ZMYND8: variants seen among roughly 807,000 people sequenced by gnomAD.
The protein encoded by ZMYND8 is MYND-type zinc finger-containing chromatin reader ZMYND8.
ZMYND8 carries 37 observed loss-of-function variants against 140.8 expected under a neutral mutation model. The observed-to-expected ratio is 0.26, with a 90% CI of 0.20 to 0.35. The LOEUF (loss-of-function observed/expected upper bound fraction) is 0.35, where lower values mean the gene tolerates loss of function less well. Among genes scored for constraint, ZMYND8 ranks in the 10% least tolerant of loss-of-function variants. ZMYND8 has a pLI of 1.00. For synonymous variants in ZMYND8, 592 were observed against 597.1 expected (o/e 0.99, Z 0.12); for missense variants, 1,068 against 1,570.0 (o/e 0.68, Z 5.40).
At chr20:47,344,224 C>G (rs190373056) in intron 2 of ZMYND8, among the ~76,000 whole-genome samples, 1 of 152,040 alleles carries the variant, frequency 6.6e-6, no homozygotes, top group African/African-American at 2.4e-5. Flanking sequence ...ATGATCCCCC[C>G]ACCTTGGCCT....
At chr20:47,258,975 A>G (rs2074962049) in intron 12 of ZMYND8, among the ~76,000 whole-genome samples, 1 of 152,072 alleles carries the variant, frequency 6.6e-6, no homozygotes. Context: ...GGGAGACACA[A>G]GAGGGCCTCG....
intron 11 of ZMYND8, among the ~76,000 whole-genome samples, chr20:47,266,674 C>G (rs2075551326): frequency 6.6e-6 from 1 of 152,126 alleles, no homozygotes; most frequent in Admixed American, 6.6e-5. Flanking sequence ...TATCCCAAAT[C>G]TCTGCACTCA....
At chr20:47,338,374 G>A (rs2148510725) in intron 2 of ZMYND8, among the ~76,000 whole-genome samples, 1 of 152,060 alleles carries the variant, frequency 6.6e-6, no homozygotes, top group Non-Finnish European at 1.5e-5. Context: ...CCTGACCCGG[G>A]TCATGTCACA....
intron 14 of ZMYND8, among the ~76,000 whole-genome samples, chr20:47,243,127 A>G (rs1431221664): frequency 6.6e-6 from 1 of 152,226 alleles, no homozygotes; most frequent in East Asian, 1.9e-4. Flanking sequence ...ATTAGCTATA[A>G]AAGCTGTTTT....
intron 5 of ZMYND8, among the ~76,000 whole-genome samples, chr20:47,292,641 G>A (rs1185943222): frequency 6.6e-6 from 1 of 151,742 alleles, no homozygotes; most frequent in East Asian, 1.9e-4. Context: ...ACAGTGATTA[G>A]CCCCAAGAAT....
At chr20:47,216,803 G>C (rs1280378881) in intron 21 of ZMYND8, among the ~76,000 whole-genome samples, 1 of 152,072 alleles carries the variant, frequency 6.6e-6, no homozygotes, top group Non-Finnish European at 1.5e-5. Context: ...CAAAGACTCT[G>C]TCTCAAAAAA....
At chr20:47,277,906 C>A (rs1251804770) in intron 10 of ZMYND8, among the ~76,000 whole-genome samples, 1 of 152,032 alleles carries the variant, frequency 6.6e-6, no homozygotes, top group Non-Finnish European at 1.5e-5. Context: ...CTCTTGACCT[C>A]GTGATCCACC....
intron 15 of ZMYND8, among the ~76,000 whole-genome samples, chr20:47,236,875 T>C (rs533846553): frequency 5.3e-5 from 8 of 152,140 alleles, no homozygotes; most frequent in African/African-American, 1.4e-4. Context: ...TATGGGAGAG[T>C]AGGGGCCCAA....
intron 2 of ZMYND8, among the ~76,000 whole-genome samples, chr20:47,345,801 A>G (rs983389532): frequency 8.3e-6 from 1 of 120,350 alleles, no homozygotes; most frequent in African/African-American, 3.3e-5. Flanking sequence ...GAGCCAACGC[A>G]CTCTGTCCAC....
rs551801819 is a variant in ZMYND8, at chr20:47,221,045, C to T, written c.3417+269G>A. Among the ~76,000 whole-genome samples the T allele has an allele frequency of 2.4e-4, 36 of 152,326 alleles. No individual in the cohort carries two copies. In the East Asian group the frequency reaches 6.9e-3, roughly 29 times the overall value. ...CAGCTACCATTCTGGACGGGAAGTA[C>T]AGAACATTTCCATCATCGCAGAAAG... On this transcript the variant is annotated intron_variant, in intron 20 of 22. Transcript: ENST00000471951.
chr20:47,341,347 C>A (rs562900181), intron 2 of ZMYND8, among the ~76,000 whole-genome samples: 2 of 149,508 alleles, frequency 1.3e-5, no homozygotes, highest in South Asian at 4.3e-4. Context: ...GCTAACATGG[C>A]AAAACCCCAT....
intron 2 of ZMYND8, among the ~76,000 whole-genome samples, chr20:47,347,369 A>C (rs2082419654): frequency 1.3e-5 from 2 of 152,340 alleles, no homozygotes; most frequent in South Asian, 4.1e-4. Flanking sequence ...CTAAATTTTG[A>C]ACTAAATGCA....
chr20:47,347,961 G>A (rs2082465025), intron 1 of ZMYND8, 35 bp from the exon 2 acceptor site: 11 of 1,609,346 alleles, frequency 6.8e-6, no homozygotes, highest in Admixed American at 1.7e-5. Context: ...TGTTTAGGAA[G>A]GCTGAGAACT....
intron 12 of ZMYND8, among the ~76,000 whole-genome samples, chr20:47,255,379 A>T (rs2074516105): frequency 6.6e-6 from 1 of 151,770 alleles, no homozygotes; most frequent in Admixed American, 6.6e-5. Flanking sequence ...AAACTCTATA[A>T]AAGAAAAATT....
At chr20:47,338,939 C>T (rs73130982) in intron 2 of ZMYND8, among the ~76,000 whole-genome samples, 2,589 of 151,992 alleles carry the variant, frequency 0.017, 31 homozygotes, top group Non-Finnish European at 0.024. Context: ...TGGTCCCGAG[C>T]CTGCCTGCTG....
At chr20:47,250,195 G>C (rs745422613) in intron 12 of ZMYND8, among the ~76,000 whole-genome samples, 1 of 152,158 alleles carries the variant, frequency 6.6e-6, no homozygotes, top group Non-Finnish European at 1.5e-5. Flanking sequence ...TCACTTCTTC[G>C]AGGGCTCTTT....
At chr20:47,355,571 C>T (rs1170355711) in intron 1 of ZMYND8, 1 of 844,586 alleles carries the variant, frequency 1.2e-6, no homozygotes, top group Non-Finnish European at 1.4e-6. Flanking sequence ...TTATTAAAAA[C>T]ACACACAACA....
In ZMYND8 at chr20:47,262,316, G is replaced by A. The variant is rs909632398; in HGVS notation, c.1593C>T (p.Thr531=). 2.5e-6 allele frequency: 4 copies of A among 1,613,904 alleles called. No homozygotes were observed. In the African/African-American group the frequency reaches 5.3e-5, roughly 22 times the overall value. Reference sequence around the variant, plus strand: ...GGTTAAGATTCAGGATGCTGCCGGTGGTGGAGGTTTTGTCCGTTTTCGTCG... The same window carrying A: ...GGTTAAGATTCAGGATGCTGCCGGTAGTGGAGGTTTTGTCCGTTTTCGTCG... The part of the protein sequence containing the change: ...PITTKTDKTS[T]TGSILNLNLD... Residue 531 remains threonine, a synonymous_variant, in exon 12 of 23, where the codon ACC becomes ACT. Transcript: ENST00000471951.
intron 11 of ZMYND8, among the ~76,000 whole-genome samples, chr20:47,263,039 C>G (rs1443599932): frequency 6.6e-6 from 1 of 152,200 alleles, no homozygotes; most frequent in Non-Finnish European, 1.5e-5. Context: ...AGAACTGTAC[C>G]TATGCCTAAG....
Sources: allele counts gnomAD v4.1 joint callset (sites outside exome capture counted in the v4.1 genomes callset), GRCh38; gene constraint gnomAD v4.1.1; transcripts MANE v1.5; gene names NCBI Gene and HGNC (gene_info 2026-07-23, HGNC 2026-07-21).